The following PTCHD4 variants were observed in gnomAD, a reference collection of about 807,000 sequenced individuals.
PTCHD4 encodes patched domain-containing protein 4.
In PTCHD4, 33 loss-of-function variants were observed where a neutral mutation model predicts 58.1. That is an observed-to-expected ratio of 0.57 (90% CI 0.43 to 0.76). The LOEUF is 0.76. Among genes scored for constraint, PTCHD4 ranks in the 30% least tolerant of loss-of-function variants. The probability of loss-of-function intolerance (pLI) is 0.00; values close to 1 mark genes in which losing one functional copy is unlikely to be tolerated. For missense variants in PTCHD4, 1,058 were observed against 1,027.1 expected (o/e 1.03, Z -0.41); for synonymous variants, 478 against 409.6 (o/e 1.17, Z -2.02).
At chr6:48,074,053 T>A (rs959082728) in intron 1 of PTCHD4, among the ~76,000 whole-genome samples, 4 of 152,102 alleles carry the variant, frequency 2.6e-5, no homozygotes, top group Non-Finnish European at 4.4e-5. Context: ...TGCTGGCTTG[T>A]GGGTTTTAAG....
intron 4 of PTCHD4, among the ~76,000 whole-genome samples, chr6:47,966,746 C>G (rs1166826252): frequency 6.6e-6 from 1 of 151,980 alleles, no homozygotes; most frequent in Non-Finnish European, 1.5e-5. Context: ...ATTTTTTTTG[C>G]TCATTCATAA....
chr6:48,044,344 C>T (rs1176194915), intron 3 of PTCHD4, among the ~76,000 whole-genome samples: 1 of 151,850 alleles, frequency 6.6e-6, no homozygotes, highest in Non-Finnish European at 1.5e-5. Context: ...GTAATAGAAA[C>T]TTGTAATACA....
chr6:47,951,513 G>C (rs1251227743), intron 4 of PTCHD4, among the ~76,000 whole-genome samples: 2 of 152,086 alleles, frequency 1.3e-5, no homozygotes, highest in African/African-American at 4.8e-5. Context: ...TACACACAAG[G>C]GACCCAGATT....
At chr6:47,927,282 A>G (rs971474664) in intron 4 of PTCHD4, among the ~76,000 whole-genome samples, 1 of 152,154 alleles carries the variant, frequency 6.6e-6, no homozygotes, top group African/African-American at 2.4e-5. Flanking sequence ...GTTGCTTGCC[A>G]TTGATATAGG....
chr6:48,041,465 C>G (rs1198684996), intron 3 of PTCHD4, among the ~76,000 whole-genome samples: 1 of 151,926 alleles, frequency 6.6e-6, no homozygotes, highest in African/African-American at 2.4e-5. Flanking sequence ...CTCCTCAGTA[C>G]CAGTTTGAAC....
chr6:48,091,770 T>C (rs1420778894), intron 1 of PTCHD4, among the ~76,000 whole-genome samples: 1 of 151,932 alleles, frequency 6.6e-6, no homozygotes, highest in Non-Finnish European at 1.5e-5. Flanking sequence ...CTTAGACTCC[T>C]GAGTAGCTGG....
intron 4 of PTCHD4, among the ~76,000 whole-genome samples, chr6:47,938,489 A>T (rs2113919720): frequency 6.6e-6 from 1 of 152,346 alleles, no homozygotes; most frequent in East Asian, 1.9e-4. Flanking sequence ...ATCCTACGGA[A>T]ATTTCTTCTG....
At chr6:47,943,198 TGA>T (rs1766297938) in intron 4 of PTCHD4, among the ~76,000 whole-genome samples, 1 of 152,174 alleles carries the variant, frequency 6.6e-6, no homozygotes, top group South Asian at 2.1e-4. Flanking sequence ...AATGTAAATT[TGA>T]GAGTCATATA....
chr6:48,068,463 G>A lies in PTCHD4; in HGVS notation c.184C>T (p.Gln62Ter), dbSNP rs1395294212. The change falls in exon 3 of 5, where the codon CAG (glutamine) becomes TAG (stop). Residue 62 changes from glutamine to a stop codon, truncating the protein, a stop_gained. Transcript: ENST00000339488. LOFTEE classifies it high-confidence loss of function. The surrounding 1 kb of genome is among the most constrained non-coding windows in gnomAD (Gnocchi z 4.2). ...AGGCGCTCCAGGTCGCCCTCGGGCTGGAAGCGGTTGAGCGCGCTGAGGCCG... is the reference window on the plus strand; with the variant it reads ...AGGCGCTCCAGGTCGCCCTCGGGCTAGAAGCGGTTGAGCGCGCTGAGGCCG... Reference protein sequence around the residue: ...TFGLSALNRFQPEGDLERLVA... With the variant: ...TFGLSALNRF 11 of 1,613,722 alleles carry A rather than the reference G, an allele frequency of 6.8e-6. No homozygotes were observed. Among genetic ancestry groups the A allele is most frequent in the South Asian group, 1.1e-5 (1 of 91,080 alleles).
In PTCHD4 at chr6:48,095,536, T is replaced by A. The variant is rs1186963209; in HGVS notation, c.-970+15513A>T. Reference sequence around the variant, plus strand: ...GTCTCTACTAAAAATACAAAAAAAATTAACCGGGTGTGGCGTGGCGGGGGG... The same window carrying A: ...GTCTCTACTAAAAATACAAAAAAAAATAACCGGGTGTGGCGTGGCGGGGGG... On this transcript the variant is annotated intron_variant, in intron 1 of 4. Coordinates refer to ENST00000339488, the MANE Select transcript of PTCHD4 (RefSeq NM_001384253.1). Among the ~76,000 whole-genome samples, 5 of 151,742 alleles carry A rather than the reference T, an allele frequency of 3.3e-5. No individual in the cohort carries two copies. The South Asian group carries it at 1.0e-3, about 32-fold the overall frequency.
chr6:48,090,570 T>C (rs983951925), intron 1 of PTCHD4, among the ~76,000 whole-genome samples: 10 of 152,118 alleles, frequency 6.6e-5, no homozygotes, highest in Admixed American at 1.3e-4. Flanking sequence ...TGATTTTTTC[T>C]ACACTAGGCT....
chr6:48,054,922 G>GC (rs1226738887), intron 3 of PTCHD4, among the ~76,000 whole-genome samples: 1 of 152,070 alleles, frequency 6.6e-6, no homozygotes, highest in Non-Finnish European at 1.5e-5. Context: ...ACTACCAAGT[G>GC]CTAAAAATTT....
chr6:47,986,595 C>T (rs964225647), intron 4 of PTCHD4, among the ~76,000 whole-genome samples: 1 of 152,134 alleles, frequency 6.6e-6, no homozygotes, highest in African/African-American at 2.4e-5. Flanking sequence ...TTCTACCTGT[C>T]TTCAACTGCT....
At chr6:47,948,247 T>G (rs963501754) in intron 4 of PTCHD4, among the ~76,000 whole-genome samples, 9 of 152,238 alleles carry the variant, frequency 5.9e-5, no homozygotes, top group African/African-American at 2.2e-4. Context: ...GAGGCTACCC[T>G]TAGCTCCTTG....
chr6:47,948,832 T>C lies in PTCHD4; in HGVS notation c.898+59802A>G, dbSNP rs140650327. Among the ~76,000 whole-genome samples the C allele has an allele frequency of 2.0e-3, 300 of 152,294 alleles. 1 individual carries two copies. Among genetic ancestry groups the C allele is most frequent in the African/African-American group, 6.3e-3 (260 of 41,564 alleles). ...CAGGTCTTGCTTAGTCCTAGAACTT[T>C]ATATTTATACAGTTGTATTTCTCAC... On this transcript the variant is annotated intron_variant, in intron 4 of 4. Transcript: ENST00000339488.
Position 48,068,697 on chromosome 6 carries a change from C to T in PTCHD4, c.6-56G>A. 1 of 1,474,050 alleles carries T rather than the reference C, an allele frequency of 6.8e-7. No homozygotes were observed. Among genetic ancestry groups the T allele is most frequent in the South Asian group, 1.3e-5 (1 of 74,916 alleles). The allele number at this position is 1,474,050 out of a possible 1,614,324, so 91.3% of individuals were successfully genotyped here. ...CCGGGCTACCCCGTTCTCCCCCATC[C>T]CACCCCCTGGGGCCAGTCCCCCCTC... On this transcript the variant is annotated intron_variant, in intron 2 of 4. Coordinates refer to ENST00000339488, the MANE Select transcript of PTCHD4 (RefSeq NM_001384253.1). The surrounding 1 kb of genome is among the most constrained non-coding windows in gnomAD (Gnocchi z 4.2).
In PTCHD4 at chr6:47,878,089, T is replaced by C. The variant is rs1336165420; in HGVS notation, c.*214A>G. 2.3e-6 allele frequency: 1 copy of C among 442,380 alleles called. No homozygotes were observed. The highest frequency in any genetic ancestry group is 4.0e-6 in the Non-Finnish European group (1 of 251,372). 27.4% of individuals were successfully genotyped at this position (442,380 alleles called of 1,614,324 possible). ...CAGATTACATCCAGAAACTTGTTTT[T>C]AGAGGAGAACAAGGTTGCAAATAAC... On this transcript the variant is annotated 3_prime_UTR_variant, in exon 5 of 5. Transcript: ENST00000339488.
chr6:47,996,995 G>T (rs968009648), intron 4 of PTCHD4, among the ~76,000 whole-genome samples: 1 of 152,172 alleles, frequency 6.6e-6, no homozygotes, highest in African/African-American at 2.4e-5. Flanking sequence ...TATTTGCCCC[G>T]CATTGTGGCA....
chr6:47,893,260 C>T (rs893550975), intron 4 of PTCHD4, among the ~76,000 whole-genome samples: 2 of 152,196 alleles, frequency 1.3e-5, no homozygotes, highest in Non-Finnish European at 2.9e-5. Flanking sequence ...CTGTCCACCT[C>T]AGCCTCCCAA....
Sources: gnomAD v4.1 joint callset for allele counts (sites outside exome capture counted in the v4.1 genomes callset) on GRCh38, gnomAD v4.1.1 for gene constraint, Gnocchi (gnomAD v3.1) non-coding constraint, MANE v1.5 for transcripts, NCBI Gene and HGNC (gene_info 2026-07-23, HGNC 2026-07-21) for gene names.